Variants in DNMT3A observed in about 807,000 individuals in gnomAD.
The protein encoded by DNMT3A is DNA (cytosine-5)-methyltransferase 3A.
In DNMT3A, 267 loss-of-function variants were observed where a neutral mutation model predicts 117.6. The observed-to-expected ratio is 2.27, with a 90% CI of 2.05 to 2.51. The LOEUF (loss-of-function observed/expected upper bound fraction) is 2.51, where lower values mean the gene tolerates loss of function less well. Ranked by LOEUF, DNMT3A falls within the 30% of genes most tolerant of loss-of-function variation. The pLI is 0.00. For missense variants in DNMT3A, 1,029 were observed against 1,260.2 expected (o/e 0.82, Z 2.78); for synonymous variants, 432 against 474.8 (o/e 0.91, Z 1.17).
chr2:25,331,462 T>C (rs1020359449), intron 1 of DNMT3A, among the ~76,000 whole-genome samples: 2 of 152,178 alleles, frequency 1.3e-5, no homozygotes, highest in African/African-American at 4.8e-5. Flanking sequence ...CAGACCTGCC[T>C]CTGAATGGAG....
At chr2:25,314,243 C>T in intron 1 of DNMT3A, 82 bp from the exon 2 acceptor site, 1 of 1,349,054 alleles carries the variant, frequency 7.4e-7, no homozygotes, top group Non-Finnish European at 9.5e-7. Flanking sequence ...CCACACCTGG[C>T]CTGTGAGGCC....
chr2:25,307,668 G>A lies in DNMT3A; in HGVS notation c.72+6245C>T, dbSNP rs527693895. Among the ~76,000 whole-genome samples, 537 of 152,230 alleles carry A rather than the reference G, an allele frequency of 3.5e-3. 3 individuals carry two copies. Among genetic ancestry groups the A allele is most frequent in the African/African-American group, 0.012 (509 of 41,542 alleles). On this transcript the variant is annotated intron_variant, in intron 2 of 22. Transcript: ENST00000321117. ...TTTAGTAGAGACGGGGTTTTGCCAT[G>A]TTGGCCAGGCTGGTCTCCAACTCCT...
At position 25,311,979 on chromosome 2, in the gene DNMT3A, G is replaced by A. The variant is rs1399854049; in HGVS notation, c.72+1934C>T. Among the ~76,000 whole-genome samples the A allele has an allele frequency of 6.6e-6, 1 of 152,108 alleles. No homozygotes were observed. The highest frequency in any genetic ancestry group is 1.5e-5 in the Non-Finnish European group (1 of 68,004). ...CTCCGCAGCCCAGAGCAGCAGCAGC[G>A]GCGTGGGAGTACAGTCCAGTAACAG... On this transcript the variant is annotated intron_variant, in intron 2 of 22. Transcript: ENST00000321117. The surrounding 1 kb of genome is among the most constrained non-coding windows in gnomAD (Gnocchi z 5.2).
Position 25,239,147 on chromosome 2 carries a change from GT to G in DNMT3A, c.2390del (p.Asn797ThrfsTer5), listed in dbSNP as rs748836168. 6.2e-7 allele frequency: 1 copy of G among 1,613,934 alleles called. No individual in the cohort carries two copies. Among genetic ancestry groups the G allele is most frequent in the African/African-American group, 1.3e-5 (1 of 74,926 alleles). On this transcript the variant is annotated frameshift_variant, in exon 20 of 23. Coordinates refer to ENST00000321117, the MANE Select transcript of DNMT3A (RefSeq NM_022552.5). LOFTEE classifies it high-confidence loss of function. The stretch of plus-strand genomic sequence containing the variant: ...TCACCAACCTGTTCATACCGGGAAG[GT>G]TACCCCAGAAGTAGCGGGCCCTGTG... The part of the protein sequence containing the change: ...AAHRARYFWG[N>X]LPGMNRPLAS...
chr2:25,267,507 G>A (rs1447641446), intron 6 of DNMT3A, among the ~76,000 whole-genome samples: 1 of 152,184 alleles, frequency 6.6e-6, no homozygotes, highest in African/African-American at 2.4e-5. Context: ...CCAAGAAGTT[G>A]AGGCTGCAGT....
chr2:25,278,042 C>CACAG (rs1553422579), intron 4 of DNMT3A, among the ~76,000 whole-genome samples: 268 of 146,382 alleles, frequency 1.8e-3, no homozygotes, highest in African/African-American at 6.5e-3. Flanking sequence ...CACACACAGA[C>CACAG]ACACACGCTT....
intron 13 of DNMT3A, 110 bp from the exon 14 acceptor site, chr2:25,244,762 C>G: frequency 1.1e-6 from 1 of 876,714 alleles, no homozygotes; most frequent in Non-Finnish European, 1.8e-6. Flanking sequence ...GAAGACATGA[C>G]CCCGCCACCA....
chr2:25,329,489 C>T (rs182883429), intron 1 of DNMT3A, among the ~76,000 whole-genome samples: 1 of 152,242 alleles, frequency 6.6e-6, no homozygotes, highest in East Asian at 1.9e-4. Flanking sequence ...ACTCTGGCTT[C>T]AGACCACACT....
intron 1 of DNMT3A, among the ~76,000 whole-genome samples, chr2:25,325,433 C>G (rs1573499162): frequency 6.6e-6 from 1 of 152,126 alleles, no homozygotes; most frequent in African/African-American, 2.4e-5. Context: ...GCGGAAGCGG[C>G]CCACGGTCAT....
intron 6 of DNMT3A, among the ~76,000 whole-genome samples, chr2:25,269,035 G>A (rs924841701): frequency 6.6e-6 from 1 of 152,214 alleles, no homozygotes; most frequent in Non-Finnish European, 1.5e-5. Flanking sequence ...TTAACCGTAA[G>A]GACAGTCTGA....
At chr2:25,340,675 T>C (rs901833695) in intron 1 of DNMT3A, among the ~76,000 whole-genome samples, 1 of 152,070 alleles carries the variant, frequency 6.6e-6, no homozygotes, top group South Asian at 2.1e-4. Context: ...CGTCCTTCAC[T>C]GTGCAGATGC....
intron 1 of DNMT3A, among the ~76,000 whole-genome samples, chr2:25,315,823 A>C (rs1279870492): frequency 6.6e-6 from 1 of 152,222 alleles, no homozygotes; most frequent in Non-Finnish European, 1.5e-5. Context: ...CTTAGCAGCC[A>C]GTGATTCCCT....
In DNMT3A at chr2:25,276,934, C is replaced by T. The variant is rs540510313; in HGVS notation, c.449-1391G>A. Among the ~76,000 whole-genome samples, 18 of 152,378 alleles carry T rather than the reference C, an allele frequency of 1.2e-4. No individual in the cohort carries two copies. The South Asian group carries it at 3.3e-3, about 28-fold the overall frequency. On this transcript the variant is annotated intron_variant, in intron 4 of 22. Transcript: ENST00000321117. ...AGCCCGGGAGGCCACTCCCTTCCCT[C>T]GTGACAGGGGGGTCCTGGACTGGTT... is the stretch of plus-strand genomic sequence containing the variant.
At chr2:25,264,626 C>A (rs1424699876) in intron 6 of DNMT3A, among the ~76,000 whole-genome samples, 1 of 151,810 alleles carries the variant, frequency 6.6e-6, no homozygotes, top group African/African-American at 2.4e-5. Context: ...CCACGCCCGG[C>A]TAATTTTTTG....
rs1673551230 is a variant in DNMT3A at position 25,237,974 on chromosome 2, A to G, written c.2409-969T>C. Among the ~76,000 whole-genome samples, 5 of 152,256 alleles carry G rather than the reference A, an allele frequency of 3.3e-5. No individual in the cohort carries two copies. In the South Asian group the frequency reaches 1.0e-3, roughly 31 times the overall value. Reference sequence around the variant, plus strand: ...TCAGTGTGGGAACCACGGGGCCTGCAGTCAAATCAGGTGCTCGACAGATGT... The same window carrying G: ...TCAGTGTGGGAACCACGGGGCCTGCGGTCAAATCAGGTGCTCGACAGATGT... On this transcript the variant is annotated intron_variant, in intron 20 of 22. Transcript: ENST00000321117. This position sits in a 1 kb window ranked among gnomAD's most constrained non-coding sequence, Gnocchi z 5.4.
intron 3 of DNMT3A, among the ~76,000 whole-genome samples, chr2:25,285,557 G>T (rs2032242212): frequency 1.3e-5 from 2 of 152,254 alleles, no homozygotes; most frequent in Non-Finnish European, 2.9e-5. Context: ...CTCCTCAGCA[G>T]TTGGAGGCAG....
chr2:25,263,057 C>G (rs1676748872), intron 6 of DNMT3A, among the ~76,000 whole-genome samples: 2 of 152,128 alleles, frequency 1.3e-5, no homozygotes, highest in African/African-American at 2.4e-5. Flanking sequence ...ACCTCAGCCT[C>G]CTGAGTAGCT....
chr2:25,241,773 T>G (rs1573317642), intron 16 of DNMT3A, 66 bp from the exon 17 acceptor site: 2 of 1,576,050 alleles, frequency 1.3e-6, no homozygotes, highest in Admixed American at 3.8e-5. Context: ...TCTCGGCAGG[T>G]GAGCCTGCTG....
At chr2:25,314,456 C>T in intron 1 of DNMT3A, 1 of 985,372 alleles carries the variant, frequency 1.0e-6, no homozygotes, top group Non-Finnish European at 1.2e-6. Context: ...TCTTCATTCA[C>T]AGCCTCTCTC....
Sources: allele counts gnomAD v4.1 joint callset (sites outside exome capture counted in the v4.1 genomes callset), GRCh38; gene constraint gnomAD v4.1.1; non-coding constraint Gnocchi (gnomAD v3.1); transcripts MANE v1.5; gene names NCBI Gene and HGNC (gene_info 2026-07-23, HGNC 2026-07-21).